Variants in ARHGAP6 observed in about 807,000 individuals in gnomAD.
ARHGAP6 encodes the protein Rho GTPase activating protein 6.
A neutral mutation model predicts 55.7 loss-of-function variants in ARHGAP6; 16 were observed. The observed-to-expected ratio is 0.29, with a 90% CI of 0.19 to 0.44. ARHGAP6 has a LOEUF of 0.44. ARHGAP6 is among the 20% of genes least tolerant of loss of function. ARHGAP6 has a pLI of 1.00. For synonymous variants in ARHGAP6, 382 were observed against 360.9 expected, an observed-to-expected ratio of 1.06 and a Z score of -0.66; for missense variants, 698 against 808.9, an observed-to-expected ratio of 0.86 and a Z score of 1.66.
intron 1 of ARHGAP6, among the ~76,000 whole-genome samples, chrX:11,487,581 T>C (rs1271821400): frequency 8.9e-6 from 1 of 112,362 alleles, no homozygotes; most frequent in Non-Finnish European, 1.9e-5. Flanking sequence ...ATTAAGCATG[T>C]ATATGCAAGA....
intron 1 of ARHGAP6, among the ~76,000 whole-genome samples, chrX:11,473,643 A>T (rs1044915036): frequency 8.9e-6 from 1 of 111,742 alleles, no homozygotes; most frequent in Non-Finnish European, 1.9e-5. Context: ...GCACCTTCAC[A>T]GGGATCATGG....
chrX:11,626,664 C>CA (rs1268454181), intron 1 of ARHGAP6, among the ~76,000 whole-genome samples: 2 of 110,775 alleles, frequency 1.8e-5, no homozygotes, highest in East Asian at 2.8e-4. Context: ...TTGTATTTAC[C>CA]AAAAAATCCA....
At chrX:11,330,472 A>C (rs2048549499) in intron 1 of ARHGAP6, among the ~76,000 whole-genome samples, 1 of 111,710 alleles carries the variant, frequency 9.0e-6, no homozygotes. Context: ...AGATTTCTCA[A>C]GGGTTAACGA....
chrX:11,406,578 C>T (rs935742149), intron 1 of ARHGAP6, among the ~76,000 whole-genome samples: 2 of 111,226 alleles, frequency 1.8e-5, no homozygotes, highest in Non-Finnish European at 3.8e-5. Flanking sequence ...GGTACATTCA[C>T]CCACAAATGT....
intron 2 of ARHGAP6, among the ~76,000 whole-genome samples, chrX:11,250,798 C>T (rs913862144): frequency 1.3e-4 from 14 of 111,164 alleles, no homozygotes; most frequent in African/African-American, 4.6e-4. Flanking sequence ...TAACTCATCA[C>T]GTTTGCAAAG....
chrX:11,297,755 G>A (rs1376182714), intron 1 of ARHGAP6, among the ~76,000 whole-genome samples: 4 of 112,171 alleles, frequency 3.6e-5, no homozygotes, highest in African/African-American at 1.3e-4. Flanking sequence ...GTCAATCTGT[G>A]TTTCTAGGAT....
chrX:11,588,467 T>C (rs1042483446), intron 1 of ARHGAP6, among the ~76,000 whole-genome samples: 1 of 111,993 alleles, frequency 8.9e-6, no homozygotes. Flanking sequence ...AACTTATACA[T>C]AAATGTTCAT....
intron 1 of ARHGAP6, among the ~76,000 whole-genome samples, chrX:11,374,697 G>T (rs1242708159): frequency 8.9e-6 from 1 of 112,287 alleles, no homozygotes; most frequent in Non-Finnish European, 1.9e-5. Context: ...TGCGTAAGAA[G>T]TTAAACTAAA....
chrX:11,624,785 T>G (rs866242640), intron 1 of ARHGAP6, among the ~76,000 whole-genome samples: 153 of 111,222 alleles, frequency 1.4e-3, no homozygotes, highest in Non-Finnish European at 2.4e-3. Context: ...TCTCCTGACC[T>G]CGTGATCCAC....
At chrX:11,575,535 T>C (rs756702523) in intron 1 of ARHGAP6, among the ~76,000 whole-genome samples, 1 of 111,372 alleles carries the variant, frequency 9.0e-6, no homozygotes, top group African/African-American at 3.3e-5. Flanking sequence ...AGGTGACTCA[T>C]ATCATGTGGC....
chrX:11,526,539 T>C (rs943148866), intron 1 of ARHGAP6, among the ~76,000 whole-genome samples: 1 of 111,744 alleles, frequency 8.9e-6, no homozygotes, highest in African/African-American at 3.3e-5. Context: ...TTGTTTTCCT[T>C]TGGGTTCATT....
At chrX:11,576,996 T>G (rs1240224101) in intron 1 of ARHGAP6, among the ~76,000 whole-genome samples, 1 of 111,959 alleles carries the variant, frequency 8.9e-6, no homozygotes, top group Non-Finnish European at 1.9e-5. Flanking sequence ...TCTCTAACTC[T>G]GTTGCTGTCA....
At chrX:11,361,164 A>G (rs1170193373) in intron 1 of ARHGAP6, among the ~76,000 whole-genome samples, 5 of 108,331 alleles carry the variant, frequency 4.6e-5, no homozygotes, top group African/African-American at 1.7e-4. Context: ...TTTAAAGTTC[A>G]TATGGAACCA....
intron 1 of ARHGAP6, among the ~76,000 whole-genome samples, chrX:11,343,230 G>A (rs756462034): frequency 4.5e-5 from 5 of 112,300 alleles, no homozygotes; most frequent in East Asian, 2.8e-4. Context: ...GACCAGATGC[G>A]TTTAAAAATG....
chrX:11,384,147 G>C (rs1287719515), intron 1 of ARHGAP6, among the ~76,000 whole-genome samples: 2 of 111,946 alleles, frequency 1.8e-5, no homozygotes. Flanking sequence ...ATGGATCCAA[G>C]ATCTACCTAC....
At chrX:11,662,823 A>C (rs1226660412) in intron 1 of ARHGAP6, among the ~76,000 whole-genome samples, 3 of 112,385 alleles carry the variant, frequency 2.7e-5, no homozygotes, top group African/African-American at 9.7e-5. Flanking sequence ...CTTTCTCTCA[A>C]CTTGTACAGA....
rs773062537 is a variant in ARHGAP6, at chrX:11,267,712, G to C, written c.589-13005C>G. On this transcript the variant is annotated intron_variant, in intron 1 of 12. Coordinates refer to ENST00000337414, the MANE Select transcript of ARHGAP6 (RefSeq NM_013427.3). ...TGAATAATCTCAAATAATCCCGAGA[G>C]ACAACATCTTGTGAAATTCCTAGTC... 2.7e-5 allele frequency among the ~76,000 whole-genome samples: 3 copies of C among 112,471 alleles called. No homozygotes were observed. In the East Asian group the frequency reaches 8.4e-4, roughly 31 times the overall value.
chrX:11,181,648 ATAAAG>A (rs948532003), intron 6 of ARHGAP6, among the ~76,000 whole-genome samples: 2 of 112,609 alleles, frequency 1.8e-5, no homozygotes, highest in African/African-American at 6.5e-5. Flanking sequence ...TTTATTTTTG[ATAAAG>A]TAAAGCTATA....
At chrX:11,609,654 T>C (rs2052079018) in intron 1 of ARHGAP6, among the ~76,000 whole-genome samples, 1 of 111,599 alleles carries the variant, frequency 9.0e-6, no homozygotes, top group South Asian at 3.8e-4. Context: ...CTGCACACTG[T>C]AAAGCTGCAG....
Sources: gnomAD v4.1 joint callset for allele counts (sites outside exome capture counted in the v4.1 genomes callset) on GRCh38, gnomAD v4.1.1 for gene constraint, MANE v1.5 for transcripts, NCBI Gene and HGNC (gene_info 2026-07-23, HGNC 2026-07-21) for gene names.